SLAIN1: variants seen among roughly 807,000 people sequenced by gnomAD.
The protein encoded by SLAIN1 is SLAIN motif-containing protein 1.
SLAIN1 carries 17 observed loss-of-function variants against 55.4 expected under a neutral mutation model. The observed-to-expected ratio is 0.31, with a 90% CI of 0.21 to 0.46. The LOEUF (loss-of-function observed/expected upper bound fraction) is 0.46, where lower values mean the gene tolerates loss of function less well. SLAIN1 is among the 20% of genes least tolerant of loss of function. SLAIN1 has a pLI of 1.00. For missense variants in SLAIN1, 682 were observed against 785.1 expected (o/e 0.87, Z 1.57); for synonymous variants, 348 against 337.4 (o/e 1.03, Z -0.35).
intron 2 of SLAIN1, among the ~76,000 whole-genome samples, chr13:77,734,418 C>G (rs1007987212): frequency 4.6e-5 from 7 of 152,156 alleles, no homozygotes; most frequent in African/African-American, 7.2e-5. Flanking sequence ...GGATTTGCTT[C>G]ACTTACTTTT....
chr13:77,732,396 T>C (rs1872915792), intron 2 of SLAIN1, among the ~76,000 whole-genome samples: 1 of 152,168 alleles, frequency 6.6e-6, no homozygotes, highest in Non-Finnish European at 1.5e-5. Context: ...ACATATTGCT[T>C]ACCTTACCTC....
At chr13:77,712,318 C>T (rs1216398387) in intron 1 of SLAIN1, among the ~76,000 whole-genome samples, 1 of 152,080 alleles carries the variant, frequency 6.6e-6, no homozygotes, top group Non-Finnish European at 1.5e-5. Flanking sequence ...ATTGAGAAAA[C>T]CCCATCATCT....
chr13:77,740,451 G>A (rs1873361018), intron 2 of SLAIN1, among the ~76,000 whole-genome samples: 2 of 151,862 alleles, frequency 1.3e-5, no homozygotes, highest in African/African-American at 2.4e-5. Flanking sequence ...CCTGTTTGGG[G>A]CCAGTTCGAT....
chr13:77,698,017 TG>T lies in SLAIN1; in HGVS notation c.106del (p.Val36CysfsTer163). ...AELEVKKLQE[L>X]VRKLEKQNEQ... ...CTGGAGGTGAAGAAGCTGCAGGAGCTGGTGCGCAAGCTGGAGAAGCAGAACG... is the reference window on the plus strand; with the variant it reads ...CTGGAGGTGAAGAAGCTGCAGGAGCTGTGCGCAAGCTGGAGAAGCAGAACG... On this transcript the variant is annotated frameshift_variant, in exon 1 of 7. Transcript: ENST00000418532. LOFTEE classifies it high-confidence loss of function. The surrounding 1 kb of genome is among the most constrained non-coding windows in gnomAD (Gnocchi z 4.1). 7.0e-7 allele frequency: 1 copy of T among 1,430,324 alleles called. No individual in the cohort carries two copies. The highest frequency in any genetic ancestry group is 3.4e-5 in the East Asian group (1 of 29,832). The allele number at this position is 1,430,324 out of a possible 1,614,324, so 88.6% of individuals were successfully genotyped here. A position where few individuals can be genotyped will look rare whatever the true frequency, so the allele number is the denominator to read the frequency against.
At chr13:77,702,036 C>T (rs576674314) in intron 1 of SLAIN1, among the ~76,000 whole-genome samples, 3 of 147,426 alleles carry the variant, frequency 2.0e-5, no homozygotes, top group South Asian at 2.2e-4. Flanking sequence ...TTTGTTCTTG[C>T]GATAGTTTAC....
chr13:77,735,458 A>G (rs1873073534), intron 2 of SLAIN1, among the ~76,000 whole-genome samples: 1 of 152,114 alleles, frequency 6.6e-6, no homozygotes, highest in Non-Finnish European at 1.5e-5. Context: ...AAAACTGGTA[A>G]TATATGTTAG....
intron 1 of SLAIN1, among the ~76,000 whole-genome samples, chr13:77,705,665 C>A (rs2091082335): frequency 6.7e-6 from 1 of 148,892 alleles, no homozygotes; most frequent in African/African-American, 2.5e-5. Flanking sequence ...TTTTTAAAAA[C>A]CTTGCCTATC....
At chr13:77,717,909 T>A (rs1216698736) in intron 1 of SLAIN1, among the ~76,000 whole-genome samples, 1 of 152,126 alleles carries the variant, frequency 6.6e-6, no homozygotes, top group Non-Finnish European at 1.5e-5. Context: ...TGGACTAACC[T>A]ATACTTGTGA....
intron 2 of SLAIN1, among the ~76,000 whole-genome samples, chr13:77,729,566 T>TAAAGCAA (rs1299616883): frequency 6.6e-6 from 1 of 152,028 alleles, no homozygotes; most frequent in Non-Finnish European, 1.5e-5. Flanking sequence ...TAGTCAGGTT[T>TAAAGCAA]AAAGCAAGAC....
intron 4 of SLAIN1, among the ~76,000 whole-genome samples, chr13:77,751,878 CT>C (rs199636590): frequency 2.4e-4 from 36 of 150,642 alleles, no homozygotes; most frequent in South Asian, 6.3e-4. Flanking sequence ...CGTATATATG[CT>C]TTTTTTTTCA....
intron 2 of SLAIN1, chr13:77,743,135 A>G: frequency 2.3e-6 from 3 of 1,302,920 alleles, no homozygotes; most frequent in Non-Finnish European, 3.0e-6. Context: ...TAAAACCTCA[A>G]ATAAAGCAAT....
At chr13:77,746,401 A>G (rs1038984499) in intron 3 of SLAIN1, 113 bp from the exon 4 acceptor site, 5 of 852,684 alleles carry the variant, frequency 5.9e-6, no homozygotes, top group Admixed American at 2.9e-5. Context: ...GAACAAGATA[A>G]TAAGTCTCTG....
At chr13:77,723,989 A>G (rs1295547614) in intron 2 of SLAIN1, among the ~76,000 whole-genome samples, 1 of 151,566 alleles carries the variant, frequency 6.6e-6, no homozygotes, top group Non-Finnish European at 1.5e-5. Flanking sequence ...AGTGACTTCT[A>G]TGTACCAGGT....
At chr13:77,753,649 G>A (rs1350196929) in intron 5 of SLAIN1, among the ~76,000 whole-genome samples, 1 of 152,094 alleles carries the variant, frequency 6.6e-6, no homozygotes, top group Non-Finnish European at 1.5e-5. Flanking sequence ...TATAATAATA[G>A]TAAATTATTT....
chr13:77,741,898 A>G (rs1171255555), intron 2 of SLAIN1, among the ~76,000 whole-genome samples: 2 of 152,082 alleles, frequency 1.3e-5, no homozygotes, highest in Non-Finnish European at 2.9e-5. Flanking sequence ...TCAAATTCCC[A>G]GTGAATACAA....
intron 3 of SLAIN1, 84 bp from the exon 4 acceptor site, chr13:77,746,430 C>T: frequency 8.2e-7 from 1 of 1,216,772 alleles, no homozygotes; most frequent in Non-Finnish European, 1.1e-6. Flanking sequence ...TTATTTGGCA[C>T]AATTTTTCAT....
Position 77,712,598 on chromosome 13 carries a change from T to C in SLAIN1, c.627-6934T>C, listed in dbSNP as rs534918534. Among the ~76,000 whole-genome samples the C allele has an allele frequency of 3.3e-5, 5 of 152,214 alleles. No individual in the cohort carries two copies. In the South Asian group the frequency reaches 1.0e-3, roughly 32 times the overall value. On this transcript the variant is annotated intron_variant, in intron 1 of 6. Coordinates refer to ENST00000418532, the MANE Select transcript of SLAIN1 (RefSeq NM_001242868.2). ...TGGAAATACATTCCATGCTCATGGA[T>C]AGGAAGAATCAATATCGTCAAAATG...
In SLAIN1 at chr13:77,698,225, G is replaced by A. The variant is rs2090993787; in HGVS notation, c.312G>A (p.Ala104=). The change falls in exon 1 of 7, where the codon GCG becomes GCA. Residue 104 remains alanine (A), a synonymous_variant. Transcript: ENST00000418532. The surrounding 1 kb of genome is among the most constrained non-coding windows in gnomAD (Gnocchi z 4.1). ...GGLGLGLALG[A]GGGGGSGSGS... The stretch of plus-strand genomic sequence containing the variant: ...TGGGGCTCGGGCTGGCGCTGGGCGC[G>A]GGGGGCGGTGGCGGCAGCGGTAGTG... 1 of 1,316,162 alleles carries A rather than the reference G, an allele frequency of 7.6e-7. No individual in the cohort carries two copies. The highest frequency in any genetic ancestry group is 2.0e-5 in the South Asian group (1 of 50,334). 81.5% of individuals were successfully genotyped at this position (1,316,162 alleles called of 1,614,324 possible). A position where few individuals can be genotyped will look rare whatever the true frequency, so the allele number is the denominator to read the frequency against.
At chr13:77,743,943 G>T (rs1201144958) in intron 2 of SLAIN1, among the ~76,000 whole-genome samples, 9 of 151,846 alleles carry the variant, frequency 5.9e-5, no homozygotes, top group African/African-American at 2.2e-4. Context: ...CATGCCTTTA[G>T]ATATATACAT....
Sources: gnomAD v4.1 joint callset for allele counts (sites outside exome capture counted in the v4.1 genomes callset) on GRCh38, gnomAD v4.1.1 for gene constraint, Gnocchi (gnomAD v3.1) non-coding constraint, MANE v1.5 for transcripts, NCBI Gene and HGNC (gene_info 2026-07-23, HGNC 2026-07-21) for gene names.